Variants in ANO4 observed in about 807,000 individuals in gnomAD.
The protein encoded by ANO4 is anoctamin 4, also known as anoctamin-4.
In ANO4, 69 loss-of-function variants were observed where a neutral mutation model predicts 141.9. The observed-to-expected ratio is 0.49, with a 90% CI of 0.40 to 0.59. ANO4 has a LOEUF of 0.59. Among genes scored for constraint, ANO4 ranks in the 20% least tolerant of loss-of-function variants. The pLI is 0.00. For synonymous variants in ANO4, 350 were observed against 394.3 expected, an observed-to-expected ratio of 0.89 and a Z score of 1.33; for missense variants, 894 against 1,162.2, an observed-to-expected ratio of 0.77 and a Z score of 3.36.
At position 101,099,727 on chromosome 12, in the gene ANO4, A is replaced by AAAT; in HGVS notation, c.2149+9_2149+11dup. Reference sequence around the variant, plus strand: ...GATGAATACTTAGAAATGAGTATGGAAATATTCTACTTTATCTTATTAATT... The same window carrying AAAT: ...GATGAATACTTAGAAATGAGTATGGAAATAATATTCTACTTTATCTTATTAATT... On this transcript the variant is annotated splice_region_variant and intron_variant, in intron 22 of 27. Transcript: ENST00000392977. The AAAT allele has an allele frequency of 6.4e-7, 1 of 1,551,496 alleles. No homozygotes were observed. Among genetic ancestry groups the AAAT allele is most frequent in the South Asian group, 1.3e-5 (1 of 79,224 alleles).
chr12:101,066,997 C>CGAAA, intron 14 of ANO4: 1 of 174,810 alleles, frequency 5.7e-6, no homozygotes, highest in Non-Finnish European at 1.0e-5. Context: ...TAAAGTATAA[C>CGAAA]AAAAAAAAAA....
chr12:101,125,636 CAT>C (rs1164457565), intron 26 of ANO4, among the ~76,000 whole-genome samples: 3 of 152,250 alleles, frequency 2.0e-5, no homozygotes, highest in African/African-American at 4.8e-5. Context: ...TTGAGATAAT[CAT>C]GTGGTTTTTG....
chr12:101,071,468 A>G (rs2048807932), intron 14 of ANO4, among the ~76,000 whole-genome samples: 1 of 152,016 alleles, frequency 6.6e-6, no homozygotes, highest in Admixed American at 6.6e-5. Context: ...CTTATTTGTG[A>G]GATCCAAAAG....
At chr12:100,745,576 G>C (rs150017624) in intron 3 of ANO4, among the ~76,000 whole-genome samples, 4 of 152,158 alleles carry the variant, frequency 2.6e-5, no homozygotes, top group Non-Finnish European at 5.9e-5. Flanking sequence ...ACTAGGCCTG[G>C]AAGATAGAGC....
chr12:101,068,811 G>C, intron 14 of ANO4: 1 of 1,143,800 alleles, frequency 8.7e-7, no homozygotes, highest in South Asian at 1.2e-5. Flanking sequence ...TCATCAAAAA[G>C]TATCTATTGA....
At chr12:101,126,422 A>G (rs1451459307) in intron 26 of ANO4, among the ~76,000 whole-genome samples, 1 of 152,214 alleles carries the variant, frequency 6.6e-6, no homozygotes, top group Non-Finnish European at 1.5e-5. Context: ...TAATTCTTAT[A>G]ACCAAGATTT....
intron 9 of ANO4, among the ~76,000 whole-genome samples, chr12:101,023,686 A>G (rs1338173731): frequency 6.6e-6 from 1 of 152,180 alleles, no homozygotes; most frequent in Non-Finnish European, 1.5e-5. Flanking sequence ...AAAGAAAATA[A>G]TAAAAGAAAA....
At chr12:101,125,658 C>T (rs987354087) in intron 26 of ANO4, among the ~76,000 whole-genome samples, 1 of 152,142 alleles carries the variant, frequency 6.6e-6, no homozygotes, top group Admixed American at 6.5e-5. Context: ...GTCTTTAGTT[C>T]TGCTTATGTG....
intron 2 of ANO4, among the ~76,000 whole-genome samples, chr12:100,734,632 G>A (rs530950489): frequency 2.6e-5 from 4 of 152,120 alleles, no homozygotes. Context: ...GGAAACTTGC[G>A]CTTTGCCACC....
At chr12:100,900,598 G>A (rs1275533620) in intron 1 of ANO4, among the ~76,000 whole-genome samples, 1 of 152,038 alleles carries the variant, frequency 6.6e-6, no homozygotes, top group Admixed American at 6.6e-5. Flanking sequence ...AAGAAAATGT[G>A]GAACATATAC....
intron 3 of ANO4, among the ~76,000 whole-genome samples, chr12:100,785,662 G>A (rs2033851338): frequency 6.6e-6 from 1 of 152,088 alleles, no homozygotes; most frequent in Non-Finnish European, 1.5e-5. Context: ...GGACATCTTG[G>A]TTGCTTCCAA....
At chr12:101,007,306 C>T (rs2045913587) in intron 8 of ANO4, among the ~76,000 whole-genome samples, 1 of 152,148 alleles carries the variant, frequency 6.6e-6, no homozygotes, top group Non-Finnish European at 1.5e-5. Flanking sequence ...GCGGAGATTG[C>T]ACCACGGCCC....
At chr12:100,801,453 G>A (rs963087152) in intron 1 of ANO4, among the ~76,000 whole-genome samples, 1 of 151,834 alleles carries the variant, frequency 6.6e-6, no homozygotes, top group African/African-American at 2.4e-5. Flanking sequence ...AATTTATTAA[G>A]TGCCTTCTAT....
At chr12:101,040,555 A>G (rs1240915384) in intron 11 of ANO4, among the ~76,000 whole-genome samples, 1 of 152,236 alleles carries the variant, frequency 6.6e-6, no homozygotes, top group Non-Finnish European at 1.5e-5. Flanking sequence ...CTGCAGATCA[A>G]AAAGTATATC....
At chr12:100,776,923 CTT>C (rs1364670949) in intron 3 of ANO4, among the ~76,000 whole-genome samples, 1 of 152,072 alleles carries the variant, frequency 6.6e-6, no homozygotes, top group African/African-American at 2.4e-5. Context: ...TACAGTGACT[CTT>C]TAGGGACATT....
chr12:101,041,904 G>T (rs1395738676), intron 11 of ANO4, among the ~76,000 whole-genome samples: 2 of 152,152 alleles, frequency 1.3e-5, no homozygotes, highest in South Asian at 2.1e-4. Flanking sequence ...AAGTTGTGGA[G>T]CATCTAGGGA....
At chr12:101,082,772 C>G (rs1318611550) in intron 15 of ANO4, among the ~76,000 whole-genome samples, 1 of 151,482 alleles carries the variant, frequency 6.6e-6, no homozygotes, top group Non-Finnish European at 1.5e-5. Flanking sequence ...TCAGCTCGTT[C>G]CTTGCTTTCT....
At chr12:100,738,693 C>A (rs141337638) in intron 2 of ANO4, among the ~76,000 whole-genome samples, 10 of 151,586 alleles carry the variant, frequency 6.6e-5, no homozygotes, top group Admixed American at 6.6e-4. Flanking sequence ...TATATTTAAC[C>A]GCATATATTT....
chr12:100,917,852 G>T (rs1428267359), intron 2 of ANO4, among the ~76,000 whole-genome samples: 1 of 152,086 alleles, frequency 6.6e-6, no homozygotes, highest in East Asian at 1.9e-4. Flanking sequence ...AAGCTGTTTG[G>T]TTTATACATT....
Sources: gnomAD v4.1 joint callset for allele counts (sites outside exome capture counted in the v4.1 genomes callset) on GRCh38, gnomAD v4.1.1 for gene constraint, MANE v1.5 for transcripts, NCBI Gene and HGNC (gene_info 2026-07-23, HGNC 2026-07-21) for gene names.